KIFAP3: variants seen among roughly 807,000 people sequenced by gnomAD.
KIFAP3 encodes kinesin associated protein 3, also known as kinesin-associated protein 3.
KIFAP3 carries 68 observed loss-of-function variants against 106.5 expected under a neutral mutation model. The observed-to-expected ratio is 0.64, with a 90% CI of 0.53 to 0.78. The LOEUF (loss-of-function observed/expected upper bound fraction) is 0.78, where lower values mean the gene tolerates loss of function less well. Among genes scored for constraint, KIFAP3 ranks in the 30% least tolerant of loss-of-function variants. KIFAP3 has a pLI of 0.00. For synonymous variants in KIFAP3, 320 were observed against 311.5 expected (o/e 1.03, Z -0.29); for missense variants, 780 against 941.8 (o/e 0.83, Z 2.25).
chr1:169,955,490 A>G (rs1478534826), intron 18 of KIFAP3, among the ~76,000 whole-genome samples: 2 of 152,128 alleles, frequency 1.3e-5, no homozygotes, highest in Non-Finnish European at 1.5e-5. Context: ...CAGAAGTGTA[A>G]CAGATTTGAG....
intron 3 of KIFAP3, chr1:170,041,638 T>C: frequency 6.7e-7 from 1 of 1,495,350 alleles, no homozygotes; most frequent in Non-Finnish European, 9.0e-7. Flanking sequence ...AGCCAGGGGC[T>C]GTCTCTGGTG....
At chr1:169,989,129 GC>G (rs1348499766) in intron 11 of KIFAP3, among the ~76,000 whole-genome samples, 3 of 151,848 alleles carry the variant, frequency 2.0e-5, no homozygotes, top group Admixed American at 6.6e-5. Flanking sequence ...AGGTATGGGA[GC>G]AATTTTCTGT....
chr1:169,986,381 T>G (rs1024219629), intron 11 of KIFAP3, among the ~76,000 whole-genome samples: 6 of 151,946 alleles, frequency 3.9e-5, no homozygotes, highest in Admixed American at 1.3e-4. Context: ...CTGATCTGTA[T>G]GCTGAAAATT....
At chr1:170,051,097 A>G (rs1032182082) in intron 2 of KIFAP3, among the ~76,000 whole-genome samples, 6 of 152,036 alleles carry the variant, frequency 3.9e-5, no homozygotes, top group African/African-American at 1.4e-4. Context: ...CAGGAGACCT[A>G]TCTCACATGC....
In KIFAP3 at chr1:170,082,619, TAA is replaced by T. The variant is rs557711727; in HGVS notation, n.174+2414_174+2415del. Among the ~76,000 whole-genome samples, 175 of 152,324 alleles carry T rather than the reference TAA, an allele frequency of 1.1e-3. 1 individual carries two copies. Among genetic ancestry groups the T allele is most frequent in the African/African-American group, 4.1e-3 (170 of 41,582 alleles). On this transcript the variant is annotated intron_variant and non_coding_transcript_variant, in intron 1 of 5. Coordinates refer to the KIFAP3 transcript ENST00000490550. ...AAATTATTTCCTAATGTGATTGTTT[TAA>T]AAGATATAATGAGCAAGGAAAAAAG...
At chr1:169,928,950 A>C (rs977993706) in intron 19 of KIFAP3, among the ~76,000 whole-genome samples, 1 of 152,090 alleles carries the variant, frequency 6.6e-6, no homozygotes, top group Non-Finnish European at 1.5e-5. Context: ...GTTCTTGGAA[A>C]AGAGAATATT....
rs558098078 is a variant in KIFAP3, at chr1:170,038,483, G to A, written c.376-52C>T. ...ATCAACAATGCTCAACAGATCCACT[G>A]TCAAAGAAATGTTATTTTGTGATCA... On this transcript the variant is annotated intron_variant, in intron 4 of 19. Coordinates refer to ENST00000361580, the MANE Select transcript of KIFAP3 (RefSeq NM_014970.4). The A allele has an allele frequency of 7.8e-6, 12 of 1,544,978 alleles. No individual in the cohort carries two copies. The East Asian group carries it at 2.6e-4, about 33-fold the overall frequency.
chr1:169,953,906 T>TA (rs386354349), intron 19 of KIFAP3, 105 bp downstream of exon 19: 1 of 775,134 alleles, frequency 1.3e-6, no homozygotes, highest in Non-Finnish European at 2.3e-6. Context: ...GAGGGTTTTT[T>TA]CCCCCCTCTT....
intron 8 of KIFAP3, 56 bp downstream of exon 8, chr1:170,031,830 C>T: frequency 9.1e-7 from 1 of 1,103,278 alleles, no homozygotes; most frequent in Non-Finnish European, 1.4e-6. Context: ...GTGAACAAAA[C>T]AAATGTATTT....
rs1203689157 is a variant in KIFAP3 at position 170,016,602 on chromosome 1, T to C, written c.1043A>G (p.Lys348Arg). ...NDMVEMDIVE[K>R]LVKMIPCEHE... The stretch of plus-strand genomic sequence containing the variant: ...CTCACAAGGTATCATTTTCACCAGT[T>C]TTTCAACAATATCCATTTCCACCTA... The change falls in exon 10 of 20, where the codon AAA becomes AGA. Residue 348 changes from lysine to arginine, a missense_variant. Coordinates refer to ENST00000361580, the MANE Select transcript of KIFAP3 (RefSeq NM_014970.4). 1 of 1,590,286 alleles carries C rather than the reference T, an allele frequency of 6.3e-7. No individual in the cohort carries two copies. The highest frequency in any genetic ancestry group is 8.5e-7 in the Non-Finnish European group (1 of 1,171,796).
rs557948761 is a variant in KIFAP3 at position 169,981,895 on chromosome 1, C to T, written c.1798+77G>A. 3.3e-6 allele frequency: 4 copies of T among 1,196,492 alleles called. No individual in the cohort carries two copies. In the East Asian group the frequency reaches 7.8e-5, roughly 23 times the overall value. The allele number at this position is 1,196,492 out of a possible 1,614,324, so 74.1% of individuals were successfully genotyped here. On this transcript the variant is annotated intron_variant, in intron 15 of 19. Transcript: ENST00000361580. ...TGTAATGAGAAAAACAGATTACAGACTCTGCATTTTATATTTAAATATTTA... is the reference window on the plus strand; with the variant it reads ...TGTAATGAGAAAAACAGATTACAGATTCTGCATTTTATATTTAAATATTTA...
intron 17 of KIFAP3, among the ~76,000 whole-genome samples, chr1:169,961,997 C>G (rs1319762277): frequency 6.6e-6 from 1 of 152,076 alleles, no homozygotes; most frequent in Non-Finnish European, 1.5e-5. Context: ...CAAGAGTCAA[C>G]TGCATTTGTG....
chr1:170,053,520 C>T (rs1444870616), intron 2 of KIFAP3, among the ~76,000 whole-genome samples: 2 of 151,566 alleles, frequency 1.3e-5, no homozygotes, highest in Non-Finnish European at 2.9e-5. Flanking sequence ...CCCATATAGC[C>T]AAGACAGTTC....
At chr1:170,046,503 C>T (rs1387299674) in intron 3 of KIFAP3, among the ~76,000 whole-genome samples, 1 of 151,994 alleles carries the variant, frequency 6.6e-6, no homozygotes, top group Non-Finnish European at 1.5e-5. Context: ...AGAATTAGAC[C>T]ATTTTATGTG....
chr1:170,041,662 C>CT (rs1258815050), intron 3 of KIFAP3: 1 of 1,530,676 alleles, frequency 6.5e-7, no homozygotes, highest in Admixed American at 2.0e-5. Flanking sequence ...CCCTTGCCAG[C>CT]AAGGCATTAC....
At chr1:170,038,244 G>GT (rs749334141) in intron 5 of KIFAP3, 46 bp downstream of exon 5, 1 of 1,389,202 alleles carries the variant, frequency 7.2e-7, no homozygotes, top group South Asian at 1.4e-5. Context: ...ATAAATAACT[G>GT]TAACTTATTC....
intron 17 of KIFAP3, among the ~76,000 whole-genome samples, chr1:169,966,882 A>C (rs1223934772): frequency 1.3e-5 from 2 of 151,848 alleles, no homozygotes; most frequent in African/African-American, 2.4e-5. Context: ...AATATGCCAT[A>C]AGGAACACAA....
intron 19 of KIFAP3, among the ~76,000 whole-genome samples, chr1:169,930,203 T>G (rs917290353): frequency 1.3e-5 from 2 of 152,242 alleles, no homozygotes; most frequent in African/African-American, 4.8e-5. Context: ...ACTTTTTTAT[T>G]ACATTTTATA....
chr1:169,978,019 ACTC>A, intron 16 of KIFAP3, 63 bp downstream of exon 16: 2 of 1,045,200 alleles, frequency 1.9e-6, no homozygotes, highest in Admixed American at 2.2e-5. Context: ...AAAAAAAACA[ACTC>A]AAAGATGCAT....
Sources: gnomAD v4.1 joint callset for allele counts (sites outside exome capture counted in the v4.1 genomes callset) on GRCh38, gnomAD v4.1.1 for gene constraint, MANE v1.5 for transcripts, NCBI Gene and HGNC (gene_info 2026-07-23, HGNC 2026-07-21) for gene names.